The following MEI4 variants were observed in gnomAD, a reference collection of about 807,000 sequenced individuals.
MEI4 encodes the protein meiotic double-stranded break formation protein 4, also known as meiosis-specific protein MEI4.
MEI4 carries 27 observed loss-of-function variants against 31.4 expected under a neutral mutation model. The ratio of observed to expected loss-of-function variants is 0.86; its 90% CI spans 0.63 to 1.19. The LOEUF is 1.19. MEI4 is among the 50% of genes most tolerant of loss of function. MEI4 has a pLI of 0.00. For synonymous variants in MEI4, 122 were observed against 145.4 expected (o/e 0.84, Z 1.16); for missense variants, 329 against 398.9 (o/e 0.82, Z 1.49).
intron 2 of MEI4, among the ~76,000 whole-genome samples, chr6:77,729,053 C>A (rs913707728): frequency 6.6e-6 from 1 of 152,088 alleles, no homozygotes; most frequent in Non-Finnish European, 1.5e-5. Flanking sequence ...TGAAGAGAAG[C>A]CCCGGAAAGG....
At chr6:77,735,248 C>CGT (rs1767153525) in intron 2 of MEI4, among the ~76,000 whole-genome samples, 3 of 151,864 alleles carry the variant, frequency 2.0e-5, no homozygotes, top group Non-Finnish European at 2.9e-5. Flanking sequence ...TGGCTCCATT[C>CGT]TCCCCGTCAC....
chr6:77,745,922 C>T (rs549849772), intron 2 of MEI4, among the ~76,000 whole-genome samples: 41 of 152,074 alleles, frequency 2.7e-4, no homozygotes, highest in South Asian at 1.5e-3. Context: ...TTGAAACCAA[C>T]GAGAACAAAG....
chr6:77,916,016 G>A (rs920315017), intron 4 of MEI4, among the ~76,000 whole-genome samples: 5 of 151,578 alleles, frequency 3.3e-5, no homozygotes, highest in Admixed American at 3.3e-4. Flanking sequence ...TTCAAGTTCT[G>A]GATTTTTTAA....
intron 4 of MEI4, among the ~76,000 whole-genome samples, chr6:77,843,215 GACTT>G (rs1770405999): frequency 1.3e-5 from 2 of 151,812 alleles, no homozygotes; most frequent in Non-Finnish European, 2.9e-5. Context: ...CCCTGGGAAA[GACTT>G]ACTTGAGAGA....
rs1437509923 is a variant in MEI4, at chr6:77,742,527, G to T, written c.233-18603G>T. 4.6e-5 allele frequency among the ~76,000 whole-genome samples: 7 copies of T among 152,212 alleles called. No homozygotes were observed. In the East Asian group the frequency reaches 1.2e-3, roughly 25 times the overall value. ...TGTAGATTCTGGATATTAGCCCCTT[G>T]GTGAGATGAGTAGTTTGCGAAAATT... On this transcript the variant is annotated intron_variant, in intron 2 of 4. Coordinates refer to ENST00000684080, the MANE Select transcript of MEI4 (RefSeq NM_001322247.2).
intron 3 of MEI4, among the ~76,000 whole-genome samples, chr6:77,764,945 G>C (rs1768132614): frequency 6.6e-6 from 1 of 152,022 alleles, no homozygotes; most frequent in Non-Finnish European, 1.5e-5. Context: ...GAAACCTATG[G>C]GATGCAGCAA....
intron 2 of MEI4, among the ~76,000 whole-genome samples, chr6:77,730,165 G>A (rs1387569183): frequency 1.3e-5 from 2 of 152,110 alleles, no homozygotes; most frequent in African/African-American, 4.8e-5. Flanking sequence ...AGAGCTGTGT[G>A]TTTGGCGTGT....
chr6:77,815,602 C>T (rs1769670754), intron 3 of MEI4, among the ~76,000 whole-genome samples: 1 of 152,114 alleles, frequency 6.6e-6, no homozygotes, highest in South Asian at 2.1e-4. Flanking sequence ...TATTCATTCA[C>T]TTGTTCATTT....
At chr6:77,900,293 A>G (rs1766162269) in intron 4 of MEI4, among the ~76,000 whole-genome samples, 1 of 152,074 alleles carries the variant, frequency 6.6e-6, no homozygotes, top group Non-Finnish European at 1.5e-5. Context: ...TCCTCAAAAT[A>G]TTAAAATATT....
intron 1 of MEI4, among the ~76,000 whole-genome samples, chr6:77,679,097 T>G (rs1768903119): frequency 6.6e-6 from 1 of 152,160 alleles, no homozygotes; most frequent in Non-Finnish European, 1.5e-5. Context: ...TCTGAAATGT[T>G]TATAAGGTAA....
intron 4 of MEI4, among the ~76,000 whole-genome samples, chr6:77,854,336 A>AT (rs11423731): frequency 0.83 from 124,782 of 151,114 alleles, 52,039 homozygotes; most frequent in East Asian, 0.95. Flanking sequence ...CTTAAAAAAA[A>AT]CAAAACCAAA....
At chr6:77,781,394 C>G (rs142721424) in intron 3 of MEI4, among the ~76,000 whole-genome samples, 1 of 152,236 alleles carries the variant, frequency 6.6e-6, no homozygotes, top group Admixed American at 6.5e-5. Flanking sequence ...TTTTCCTCCA[C>G]AGCATGTTAA....
chr6:77,873,676 T>G (rs904523370), intron 4 of MEI4, among the ~76,000 whole-genome samples: 12 of 152,252 alleles, frequency 7.9e-5, no homozygotes, highest in East Asian at 1.9e-4. Context: ...TGAAGTCCTT[T>G]CCCATGCCTA....
At chr6:77,922,603 T>A (rs2127743300) in intron 4 of MEI4, among the ~76,000 whole-genome samples, 1 of 151,850 alleles carries the variant, frequency 6.6e-6, no homozygotes, top group Non-Finnish European at 1.5e-5. Context: ...TGACTATGTA[T>A]ATGATTCAAT....
At chr6:77,774,787 A>T (rs1768397656) in intron 3 of MEI4, among the ~76,000 whole-genome samples, 1 of 151,986 alleles carries the variant, frequency 6.6e-6, no homozygotes, top group Non-Finnish European at 1.5e-5. Context: ...AAAAATATAG[A>T]CTGGAAAGGA....
chr6:77,841,333 A>ATATATATATATTTTTTTTT, intron 4 of MEI4, among the ~76,000 whole-genome samples: 6 of 27,734 alleles, frequency 2.2e-4, no homozygotes, highest in East Asian at 4.5e-3. Flanking sequence ...ATATATATAT[A>ATATATATATATTTTTTTTT]TTTTTTTTTT....
upstream of MEI4, among the ~76,000 whole-genome samples, chr6:77,651,386 G>C (rs759376227): frequency 6.6e-6 from 1 of 152,198 alleles, no homozygotes; most frequent in Non-Finnish European, 1.5e-5. Flanking sequence ...TGGAATTGCA[G>C]ACACATTTGG....
chr6:77,774,418 G>A (rs1344270680), intron 3 of MEI4, among the ~76,000 whole-genome samples: 2 of 152,068 alleles, frequency 1.3e-5, no homozygotes, highest in African/African-American at 4.8e-5. Flanking sequence ...GGCCCAGGAA[G>A]ACAAACTTCA....
chr6:77,895,851 A>G (rs1766073140), intron 4 of MEI4, among the ~76,000 whole-genome samples: 1 of 152,122 alleles, frequency 6.6e-6, no homozygotes. Flanking sequence ...TAGTCCTTAG[A>G]GAATTTAGCT....
Sources: allele counts gnomAD v4.1 joint callset (sites outside exome capture counted in the v4.1 genomes callset), GRCh38; gene constraint gnomAD v4.1.1; transcripts MANE v1.5; gene names NCBI Gene and HGNC (gene_info 2026-07-23, HGNC 2026-07-21).